Variants in DNM1L observed in about 807,000 individuals in gnomAD.
The protein encoded by DNM1L is dynamin-1-like protein.
Under a neutral mutation model 92.8 loss-of-function variants are expected in DNM1L, and 33 were observed. The ratio of observed to expected loss-of-function variants is 0.36; its 90% confidence interval spans 0.27 to 0.48. The LOEUF (loss-of-function observed/expected upper bound fraction) is 0.48, where lower values mean the gene tolerates loss of function less well. DNM1L is among the 20% of genes least tolerant of loss of function. The probability of loss-of-function intolerance (pLI) is 0.99; values close to 1 mark genes in which losing one functional copy is unlikely to be tolerated. For synonymous variants in DNM1L, 284 were observed against 305.0 expected, an observed-to-expected ratio of 0.93 and a Z score of 0.72; for missense variants, 485 against 888.8, an observed-to-expected ratio of 0.55 and a Z score of 5.78.
rs771905452 is a variant in DNM1L at position 32,720,831 on chromosome 12, G to C, written c.872+36G>C. On this transcript the variant is annotated intron_variant, in intron 8 of 19. Transcript: ENST00000549701. ...TACCTTTTGGAAATGAGATGTGTTT[G>C]TTTTTACCAATTGGTGTCTGAGAGG... is the stretch of plus-strand genomic sequence containing the variant. The C allele has an allele frequency of 6.2e-6, 10 of 1,610,276 alleles. No homozygotes were observed. In the African/African-American group the frequency reaches 1.2e-4, roughly 19 times the overall value.
chr12:32,711,183 A>G lies in DNM1L; in HGVS notation c.456+168A>G, dbSNP rs1772935136. 9 of 638,162 alleles carry G rather than the reference A, an allele frequency of 1.4e-5. No homozygotes were observed. In the South Asian group the frequency reaches 1.5e-4, roughly 11 times the overall value. The allele number at this position is 638,162 out of a possible 1,614,324, so 39.5% of individuals were successfully genotyped here. On this transcript the variant is annotated intron_variant, in intron 5 of 19. Transcript: ENST00000549701. ...ACTTTCTTTACTTGGCTTCCAGGAT[A>G]CCACACTCTACAGGTTTATCTCCAG...
chr12:32,691,496 G>A (rs1266886727), intron 1 of DNM1L, among the ~76,000 whole-genome samples: 2 of 152,084 alleles, frequency 1.3e-5, no homozygotes, highest in Non-Finnish European at 2.9e-5. Flanking sequence ...ACCCGCCTTG[G>A]CCTCCTGAAG....
At chr12:32,738,741 G>A (rs74802398) in intron 16 of DNM1L, among the ~76,000 whole-genome samples, 1,551 of 151,920 alleles carry the variant, frequency 0.01, 33 homozygotes, top group African/African-American at 0.035. Context: ...AAACAAATGG[G>A]GACTGTGAGA....
At chr12:32,713,020 C>G (rs1953199761) in intron 5 of DNM1L, among the ~76,000 whole-genome samples, 189 bp from the exon 6 acceptor site, 1 of 152,116 alleles carries the variant, frequency 6.6e-6, no homozygotes, top group Non-Finnish European at 1.5e-5. Flanking sequence ...TTGATATTTG[C>G]AAGAGTTACA....
chr12:32,707,620 G>A (rs1166067872), intron 3 of DNM1L, among the ~76,000 whole-genome samples: 1 of 152,036 alleles, frequency 6.6e-6, no homozygotes, highest in Admixed American at 6.6e-5. Flanking sequence ...CTGTGATTTG[G>A]TGATTCTTAA....
intron 1 of DNM1L, chr12:32,692,447 A>AT (rs1448672260): frequency 6.6e-6 from 1 of 152,180 alleles, no homozygotes; most frequent in Non-Finnish European, 1.5e-5. Context: ...TAGGAGCTAT[A>AT]TTTTCCAAGA....
At chr12:32,732,957 G>A (rs1323139856) in intron 12 of DNM1L, among the ~76,000 whole-genome samples, 1 of 152,142 alleles carries the variant, frequency 6.6e-6, no homozygotes, top group Non-Finnish European at 1.5e-5. Context: ...TTAGCCGGGC[G>A]TGGTGGTGCA....
intron 14 of DNM1L, chr12:32,737,601 C>T: frequency 2.2e-6 from 1 of 456,974 alleles, no homozygotes; most frequent in East Asian, 4.4e-5. Context: ...AATTCTTTGC[C>T]AGAAAAGAAT....
chr12:32,680,103 G>T, intron 1 of DNM1L: 1 of 793,254 alleles, frequency 1.3e-6, no homozygotes, highest in Non-Finnish European at 1.5e-6. Context: ...CGGGTGTTGG[G>T]AAGGAATATC....
At chr12:32,739,780 A>G in intron 16 of DNM1L, 1 of 378,900 alleles carries the variant, frequency 2.6e-6, no homozygotes, top group Non-Finnish European at 4.9e-6. Context: ...GAGAAGAGGA[A>G]CGATTTTGAA....
intron 9 of DNM1L, chr12:32,726,576 A>G (rs1375023072): frequency 1.1e-5 from 13 of 1,209,098 alleles, no homozygotes; most frequent in East Asian, 7.0e-5. Flanking sequence ...AAAGTGACCA[A>G]TTTTGAAGTC....
chr12:32,684,712 G>T (rs1035812753), intron 1 of DNM1L, among the ~76,000 whole-genome samples: 3 of 152,096 alleles, frequency 2.0e-5, no homozygotes, highest in Non-Finnish European at 4.4e-5. Flanking sequence ...CAAGTGATCT[G>T]CCTGCCTCAG....
At chr12:32,732,737 G>A in intron 12 of DNM1L, 1 of 366,112 alleles carries the variant, frequency 2.7e-6, no homozygotes, top group Middle Eastern at 3.9e-4. Flanking sequence ...GTTCTGGACT[G>A]ATAAGTGCTG....
chr12:32,695,121 T>TA (rs1345478368), intron 1 of DNM1L, among the ~76,000 whole-genome samples: 4 of 151,686 alleles, frequency 2.6e-5, no homozygotes, highest in African/African-American at 9.7e-5. Context: ...GCAGGGGAGG[T>TA]AAACAGGGCC....
At chr12:32,730,590 G>A (rs1378462061) in intron 9 of DNM1L, among the ~76,000 whole-genome samples, 1 of 151,828 alleles carries the variant, frequency 6.6e-6, no homozygotes, top group Non-Finnish European at 1.5e-5. Context: ...AGTAGTTGCA[G>A]CAGAGACTGT....
At chr12:32,725,403 A>C (rs1954065878) in intron 9 of DNM1L, 1 of 152,222 alleles carries the variant, frequency 6.6e-6, no homozygotes, top group African/African-American at 2.4e-5. Flanking sequence ...ATGGAGGTTA[A>C]ATTTAAAAGT....
intron 9 of DNM1L, chr12:32,728,466 A>G (rs990617413): frequency 6.6e-6 from 1 of 152,240 alleles, no homozygotes; most frequent in Non-Finnish European, 1.5e-5. Context: ...ATTGTTAGAT[A>G]TAATTCATAT....
chr12:32,724,680 TATA>T (rs139714569), intron 9 of DNM1L, among the ~76,000 whole-genome samples: 20,075 of 143,952 alleles, frequency 0.14, 1,460 homozygotes, highest in Middle Eastern at 0.19. Context: ...TAATAATATA[TATA>T]ATAATATATA....
chr12:32,692,240 C>G (rs1009052651), intron 1 of DNM1L, among the ~76,000 whole-genome samples: 6 of 152,076 alleles, frequency 3.9e-5, no homozygotes, highest in African/African-American at 1.4e-4. Flanking sequence ...GCAGAGAGAT[C>G]AAGTTAAGCA....
Sources: gnomAD v4.1 joint callset for allele counts (sites outside exome capture counted in the v4.1 genomes callset) on GRCh38, gnomAD v4.1.1 for gene constraint, MANE v1.5 for transcripts, NCBI Gene and HGNC (gene_info 2026-07-23, HGNC 2026-07-21) for gene names.